SRRM3: variants seen among roughly 807,000 people sequenced by gnomAD.
The protein encoded by SRRM3 is serine/arginine repetitive matrix 3.
SRRM3 carries 27 observed loss-of-function variants against 66.2 expected under a neutral mutation model. That is an observed-to-expected ratio of 0.41 (90% CI 0.30 to 0.56). The LOEUF is 0.56. SRRM3 is among the 20% of genes least tolerant of loss of function. SRRM3 has a pLI of 0.32. For synonymous variants in SRRM3, 391 were observed against 414.9 expected (o/e 0.94, Z 0.70); for missense variants, 918 against 991.9 (o/e 0.93, Z 1.00).
intron 1 of SRRM3, among the ~76,000 whole-genome samples, chr7:76,203,166 A>G (rs1264384904): frequency 6.6e-6 from 1 of 152,164 alleles, no homozygotes; most frequent in Non-Finnish European, 1.5e-5. Context: ...TGGCTAGGAA[A>G]TTGTTCCCAC....
At chr7:76,268,455 C>G (rs1450479919) in intron 11 of SRRM3, 2 of 152,254 alleles carry the variant, frequency 1.3e-5, no homozygotes, top group Non-Finnish European at 2.9e-5. Flanking sequence ...GACTGCCCCC[C>G]ACCCAACCCC....
intron 2 of SRRM3, among the ~76,000 whole-genome samples, chr7:76,236,872 A>G (rs1392239582): frequency 2.0e-5 from 3 of 152,114 alleles, no homozygotes; most frequent in African/African-American, 7.2e-5. Context: ...GGGTACCGGA[A>G]GAGGGAATGA....
chr7:76,285,553 C>A lies in SRRM3; in HGVS notation c.1734-62C>A. 1 of 1,399,332 alleles carries A rather than the reference C, an allele frequency of 7.1e-7. No homozygotes were observed. The highest frequency in any genetic ancestry group is 9.8e-7 in the Non-Finnish European group (1 of 1,024,776). 86.7% of individuals were successfully genotyped at this position (1,399,332 alleles called of 1,614,324 possible). A position where few individuals can be genotyped will look rare whatever the true frequency, so the allele number is the denominator to read the frequency against. On this transcript the variant is annotated intron_variant, in intron 14 of 14. Transcript: ENST00000611745. This position sits in a 1 kb window ranked among gnomAD's most constrained non-coding sequence, Gnocchi z 4.1. ...GGGAAACTGAGGCAGGAAGCCCTGG[C>A]CGCTGCTGGGATGGGGCTCGGGGCC...
intron 14 of SRRM3, chr7:76,283,900 G>A (rs1225527129): frequency 2.1e-6 from 2 of 939,274 alleles, no homozygotes; most frequent in East Asian, 1.2e-4. Flanking sequence ...AGGGGGTTGG[G>A]GGGAACACAG....
At chr7:76,213,576 G>A (rs782271143) in intron 1 of SRRM3, among the ~76,000 whole-genome samples, 1 of 152,132 alleles carries the variant, frequency 6.6e-6, no homozygotes, top group Non-Finnish European at 1.5e-5. Flanking sequence ...ATTGTTGCAG[G>A]TTGTCAGTGC....
chr7:76,227,289 T>A (rs1159864514), intron 1 of SRRM3, among the ~76,000 whole-genome samples: 1 of 152,178 alleles, frequency 6.6e-6, no homozygotes, highest in Non-Finnish European at 1.5e-5. Flanking sequence ...AAGTTAGAGT[T>A]AGGGTTCAGA....
chr7:76,260,554 T>C (rs1315963604), intron 5 of SRRM3, among the ~76,000 whole-genome samples: 1 of 95,480 alleles, frequency 1.0e-5, no homozygotes, highest in East Asian at 3.5e-4. Context: ...CCACCCCTCA[T>C]CGAGCCCCTC....
intron 2 of SRRM3, among the ~76,000 whole-genome samples, chr7:76,242,034 A>T (rs1246215819): frequency 6.6e-6 from 1 of 152,158 alleles, no homozygotes; most frequent in Non-Finnish European, 1.5e-5. Context: ...TTTAGTCATG[A>T]TGGAAAAGAA....
intron 8 of SRRM3, among the ~76,000 whole-genome samples, chr7:76,261,963 A>G (rs1456428765): frequency 6.6e-6 from 1 of 151,254 alleles, no homozygotes; most frequent in East Asian, 2.0e-4. Context: ...GGCTCCATGG[A>G]TAGGAGGCAG....
In SRRM3 at chr7:76,215,883, C is replaced by T. The variant is rs145325730; in HGVS notation, c.-40+13816C>T. Among the ~76,000 whole-genome samples, 131 of 150,190 alleles carry T rather than the reference C, an allele frequency of 8.7e-4. 2 individuals carry two copies. In the East Asian group the frequency reaches 0.019, roughly 22 times the overall value. On this transcript the variant is annotated intron_variant, in intron 1 of 14. Transcript: ENST00000611745. ...TGCGATCTTGGCTCACTGCAAGCTC[C>T]GCCTCCCGGGTTCATGCCAGTCTCC...
In SRRM3 at chr7:76,225,764, C is replaced by G. The variant is rs535792411; in HGVS notation, c.-39-9264C>G. 3.4e-3 allele frequency among the ~76,000 whole-genome samples: 522 copies of G among 152,296 alleles called. 1 individual carries two copies. The highest frequency in any genetic ancestry group is 5.8e-3 in the Non-Finnish European group (395 of 68,018). On this transcript the variant is annotated intron_variant, in intron 1 of 14. Coordinates refer to ENST00000611745, the MANE Select transcript of SRRM3 (RefSeq NM_001110199.3). ...TCTCCAGTGCCTTTTACGAGACATTCATTGCATACTAGGTACTGTGAGGGC... is the reference window on the plus strand; with the variant it reads ...TCTCCAGTGCCTTTTACGAGACATTGATTGCATACTAGGTACTGTGAGGGC...
chr7:76,282,828 C>A lies in SRRM3; in HGVS notation c.1551C>A (p.Pro517=). ...KSRSRSAEKR[P]HSPSRSPSPK... ...GCTCGCGCTCTGCGGAGAAGCGGCC[C>A]CACAGCCCCAGCCGCTCGCCGTCGC... Residue 517 remains proline, a synonymous_variant, in exon 13 of 15, where the codon CCC becomes CCA. Transcript: ENST00000611745. 1 of 1,460,778 alleles carries A rather than the reference C, an allele frequency of 6.8e-7. No homozygotes were observed. The highest frequency in any genetic ancestry group is 9.0e-7 in the Non-Finnish European group (1 of 1,111,808). 90.5% of individuals were successfully genotyped at this position (1,460,778 alleles called of 1,614,324 possible). A position where few individuals can be genotyped will look rare whatever the true frequency, so the allele number is the denominator to read the frequency against.
rs782567066 is a variant in SRRM3 at position 76,261,404 on chromosome 7, C to T, written c.628C>T (p.Arg210Cys). Residue 210 changes from arginine (R) to cysteine (C), a missense_variant, in exon 7 of 15, where the codon CGC becomes TGC. By Grantham distance (180) the Arg-to-Cys change is radical. Coordinates refer to ENST00000611745, the MANE Select transcript of SRRM3 (RefSeq NM_001110199.3). ...GAAGAAGAAGAGTGTGAAGAAGCAT[C>T]GCCGAGACAGGTACCCTTGCTGCCC... ...RKKKKSVKKHRRDRSDSGSRR... is the reference protein window; with the variant it reads ...RKKKKSVKKHCRDRSDSGSRR... 62 of 1,604,960 alleles carry T rather than the reference C, an allele frequency of 3.9e-5. No individual in the cohort carries two copies. Among genetic ancestry groups the T allele is most frequent in the East Asian group, 3.4e-4 (15 of 44,380 alleles).
At chr7:76,230,685 A>C (rs1554604162) in intron 1 of SRRM3, among the ~76,000 whole-genome samples, 1 of 151,520 alleles carries the variant, frequency 6.6e-6, no homozygotes, top group African/African-American at 2.4e-5. Flanking sequence ...GAAGGGAGAA[A>C]GGTAAGGTAA....
At chr7:76,244,989 G>A (rs1326242433) in intron 2 of SRRM3, among the ~76,000 whole-genome samples, 1 of 152,224 alleles carries the variant, frequency 6.6e-6, no homozygotes, top group Non-Finnish European at 1.5e-5. Flanking sequence ...GCCAGCATTG[G>A]ATACAGACCA....
chr7:76,213,923 C>A (rs1415377608), intron 1 of SRRM3, among the ~76,000 whole-genome samples: 1 of 152,070 alleles, frequency 6.6e-6, no homozygotes, highest in Non-Finnish European at 1.5e-5. Flanking sequence ...GTGCATGTCA[C>A]CATGCCTGGC....
At chr7:76,272,408 AT>A (rs1373838985) in intron 11 of SRRM3, among the ~76,000 whole-genome samples, 1 of 151,676 alleles carries the variant, frequency 6.6e-6, no homozygotes, top group Admixed American at 6.6e-5. Flanking sequence ...CAAAAAAAAA[AT>A]TTTTTTTAAT....
chr7:76,253,787 C>CAAAA (rs782083114), intron 3 of SRRM3, among the ~76,000 whole-genome samples: 1 of 64,788 alleles, frequency 1.5e-5, no homozygotes, highest in Non-Finnish European at 3.2e-5. Context: ...AACTCTGTTT[C>CAAAA]AAAAAAAAAA....
chr7:76,265,583 TAGA>T (rs1166810666), intron 10 of SRRM3, 115 bp downstream of exon 10: 1 of 814,944 alleles, frequency 1.2e-6, no homozygotes, highest in African/African-American at 1.8e-5. Context: ...CATCGGTGGG[TAGA>T]AGTTTATCAG....
Sources: allele counts gnomAD v4.1 joint callset (sites outside exome capture counted in the v4.1 genomes callset), GRCh38; gene constraint gnomAD v4.1.1; non-coding constraint Gnocchi (gnomAD v3.1); transcripts MANE v1.5; gene names NCBI Gene and HGNC (gene_info 2026-07-23, HGNC 2026-07-21).